Variants in MYH11 observed in about 807,000 individuals in gnomAD.
MYH11 encodes myosin-11.
Under a neutral mutation model 246.6 loss-of-function variants are expected in MYH11, and 80 were observed. The observed-to-expected ratio is 0.32, with a 90% CI of 0.27 to 0.39. The LOEUF (loss-of-function observed/expected upper bound fraction) is 0.39. MYH11 is among the 10% of genes least tolerant of loss of function. The pLI is 1.00. For missense variants in MYH11, 2,158 were observed against 2,546.8 expected (o/e 0.85, Z 3.29); for synonymous variants, 1,071 against 1,015.5 (o/e 1.05, Z -1.04).
intron 15 of MYH11, among the ~76,000 whole-genome samples, chr16:15,752,823 G>C (rs1368640787): frequency 6.6e-6 from 1 of 152,198 alleles, no homozygotes; most frequent in Non-Finnish European, 1.5e-5. Context: ...AGGCTGCAGT[G>C]AGCCAAGATT....
chr16:15,784,588 C>A, intron 5 of MYH11: 1 of 1,178,884 alleles, frequency 8.5e-7, no homozygotes, highest in Non-Finnish European at 1.2e-6. Flanking sequence ...CTAGGGCCTA[C>A]CCCATTTCTA....
At chr16:15,721,842 G>GT (rs374498080) in intron 31 of MYH11, among the ~76,000 whole-genome samples, 16 of 151,114 alleles carry the variant, frequency 1.1e-4, no homozygotes, top group Admixed American at 3.3e-4. Flanking sequence ...CAGCTGACTT[G>GT]TTTTTTTTTG....
In MYH11 at chr16:15,741,880, C is replaced by T. The variant is rs139788520; in HGVS notation, c.2532G>A (p.Leu844=). The T allele has an allele frequency of 1.2e-5, 20 of 1,614,232 alleles. No individual in the cohort carries two copies. In the African/African-American group the frequency reaches 2.7e-4, roughly 22 times the overall value. The part of the protein sequence containing the change: ...WWRLFTKVKP[L]LQVTRQEEEM... ...CCTCCTCCTGCCGTGTCACCTGCAG[C>T]AGTGGCTTCACCTGCACACACACGG... is the stretch of plus-strand genomic sequence containing the variant. The change falls in exon 21 of 41, where the codon CTG becomes CTA. Residue 844 remains leucine, a synonymous_variant. Transcript: ENST00000300036.
intron 4 of MYH11, among the ~76,000 whole-genome samples, chr16:15,798,300 C>T (rs1268546207): frequency 6.6e-6 from 1 of 152,156 alleles, no homozygotes; most frequent in Non-Finnish European, 1.5e-5. Context: ...TCTTCCCTAT[C>T]AACACAGATG....
chr16:15,778,141 C>A (rs992302193), intron 7 of MYH11, among the ~76,000 whole-genome samples: 45 of 152,174 alleles, frequency 3.0e-4, no homozygotes, highest in Non-Finnish European at 1.8e-4. Flanking sequence ...GTTGTTCCCC[C>A]ACGTCCAGAA....
At chr16:15,745,943 G>A (rs2041407959) in intron 19 of MYH11, among the ~76,000 whole-genome samples, 1 of 144,220 alleles carries the variant, frequency 6.9e-6, no homozygotes, top group Non-Finnish European at 1.5e-5. Flanking sequence ...CAGAGACAGG[G>A]TCTGGCTCTG....
intron 4 of MYH11, chr16:15,791,107 C>A (rs1489169245): frequency 6.6e-6 from 1 of 152,044 alleles, no homozygotes; most frequent in East Asian, 1.9e-4. Context: ...AGGTGCCCGC[C>A]ACTATGCCTG....
Position 15,721,495 on chromosome 16 carries a change from A to T in MYH11, c.4505T>A (p.Leu1502His). 6.2e-7 allele frequency: 1 copy of T among 1,614,142 alleles called. No homozygotes were observed. Among genetic ancestry groups the T allele is most frequent in the Non-Finnish European group, 8.5e-7 (1 of 1,180,042 alleles). The part of the protein sequence containing the change: ...LEEALEAKEE[L>H]ERTNKMLKAE... ...TTTGAGCATTTTGTTGGTCCGCTCG[A>T]GTTCCTCTTTGGCTTCCAAGGCCTC... The change falls in exon 32 of 41, where the codon CTC (leucine) becomes CAC (histidine). Residue 1502 changes from leucine to histidine, a missense_variant. Physicochemically the swap from Leu to His is moderately conservative, Grantham distance 99 (BLOSUM62 -3). Transcript: ENST00000300036.
At chr16:15,763,388 T>C (rs961301188) in intron 10 of MYH11, among the ~76,000 whole-genome samples, 1 of 152,124 alleles carries the variant, frequency 6.6e-6, no homozygotes, top group Non-Finnish European at 1.5e-5. Context: ...CTCGGGATCT[T>C]GTCTGGTCAC....
chr16:15,733,579 G>A (rs563050639), intron 26 of MYH11, among the ~76,000 whole-genome samples: 10 of 151,480 alleles, frequency 6.6e-5, no homozygotes, highest in East Asian at 1.9e-4. Context: ...GTCTTGCTCC[G>A]TCGTCCAGAC....
intron 25 of MYH11, 79 bp downstream of exon 25, chr16:15,737,370 G>C (rs1218603937): frequency 6.3e-7 from 1 of 1,584,488 alleles, no homozygotes; most frequent in African/African-American, 1.3e-5. Context: ...GACCAAGACA[G>C]CCACTGCGAA....
intron 1 of MYH11, among the ~76,000 whole-genome samples, chr16:15,847,327 G>A (rs895189644): frequency 2.7e-5 from 4 of 146,472 alleles, no homozygotes; most frequent in South Asian, 4.4e-4. Flanking sequence ...CTCAGCTCAC[G>A]GCAACCTCCG....
At position 15,750,215 on chromosome 16, in the gene MYH11, G is replaced by A. The variant is rs1267658886; in HGVS notation, c.1981C>T (p.Leu661=). 1 of 1,614,240 alleles carries A rather than the reference G, an allele frequency of 6.2e-7. No homozygotes were observed. Among genetic ancestry groups the A allele is most frequent in the South Asian group, 1.1e-5 (1 of 91,092 alleles). Residue 661 remains leucine (L), a synonymous_variant, in exon 16 of 41, where the codon CTG becomes TTG. Coordinates refer to ENST00000300036, the MANE Select transcript of MYH11 (RefSeq NM_002474.3). The surrounding 1 kb of genome is among the most constrained non-coding windows in gnomAD (Gnocchi z 4.3). ...CGTAGCGTGGTCATCAGCTTGCCCAGCTGCTCCTTGTACAGCTGCCCCACT... is the reference window on the plus strand; with the variant it reads ...CGTAGCGTGGTCATCAGCTTGCCCAACTGCTCCTTGTACAGCTGCCCCACT... ...RTVGQLYKEQ[L]GKLMTTLRNT...
In MYH11 at chr16:15,718,431, G is replaced by T; in HGVS notation, c.5179C>A (p.Leu1727Ile). The T allele has an allele frequency of 6.4e-7, 1 of 1,567,316 alleles. No homozygotes were observed. Reference sequence around the variant, plus strand: ...TCCAGGCGGCGCTTCTCGTCCTGGAGTGCGTTCCTGGGGGAAGGGCGGCCA... The same window carrying T: ...TCCAGGCGGCGCTTCTCGTCCTGGATTGCGTTCCTGGGGGAAGGGCGGCCA... ...LASSLSGRNA[L>I]QDEKRRLEAR... Residue 1727 changes from leucine to isoleucine, a missense_variant, in exon 37 of 41, where the codon CTC (leucine) becomes ATC (isoleucine). This residue lies in a region of MYH11 where 1,013 missense variants were observed against 993.5 expected (regional missense o/e 1.02). Coordinates refer to ENST00000300036, the MANE Select transcript of MYH11 (RefSeq NM_002474.3).
chr16:15,720,464 C>A, intron 33 of MYH11, 152 bp from the exon 34 acceptor site: 2 of 1,150,622 alleles, frequency 1.7e-6, no homozygotes, highest in African/African-American at 1.5e-5. Flanking sequence ...AACGGAATCA[C>A]GCCGGGCGTG....
At chr16:15,736,828 T>C (rs1293827842) in intron 25 of MYH11, among the ~76,000 whole-genome samples, 1 of 152,130 alleles carries the variant, frequency 6.6e-6, no homozygotes, top group East Asian at 1.9e-4. Flanking sequence ...TGCAAAGGTA[T>C]TGCTTGAAAA....
chr16:15,752,392 C>T (rs1041235223), intron 15 of MYH11, among the ~76,000 whole-genome samples: 1 of 151,988 alleles, frequency 6.6e-6, no homozygotes, highest in African/African-American at 2.4e-5. Context: ...AACAGCAAAC[C>T]CCCTCCCCTC....
intron 2 of MYH11, 130 bp from the exon 3 acceptor site, chr16:15,823,541 C>T: frequency 8.7e-7 from 1 of 1,144,006 alleles, no homozygotes; most frequent in Admixed American, 1.8e-5. Context: ...CCCTGGGCCT[C>T]ACTGATATTC....
At chr16:15,723,621 G>A (rs1374971189) in intron 31 of MYH11, among the ~76,000 whole-genome samples, 1 of 152,176 alleles carries the variant, frequency 6.6e-6, no homozygotes. Flanking sequence ...ACTCCAGCCT[G>A]GGTGACAGAG....
Sources: allele counts gnomAD v4.1 joint callset (sites outside exome capture counted in the v4.1 genomes callset), GRCh38; gene constraint gnomAD v4.1.1; regional missense constraint gnomAD v4.1.1; non-coding constraint Gnocchi (gnomAD v3.1); transcripts MANE v1.5; gene names NCBI Gene and HGNC (gene_info 2026-07-23, HGNC 2026-07-21).